The following ST3GAL4 variants were observed in gnomAD, a reference collection of about 807,000 sequenced individuals.
ST3GAL4 encodes the protein ST3 beta-galactoside alpha-2,3-sialyltransferase 4, also known as CMP-N-acetylneuraminate-beta-galactosamide-alpha-2,3-sialyltransferase 4.
In ST3GAL4, 24 loss-of-function variants were observed where a neutral mutation model predicts 42.6. The ratio of observed to expected loss-of-function variants is 0.56; its 90% CI spans 0.41 to 0.79. The LOEUF (loss-of-function observed/expected upper bound fraction) is 0.79. Among genes scored for constraint, ST3GAL4 ranks in the 30% least tolerant of loss-of-function variants. The pLI, the probability that ST3GAL4 is intolerant of heterozygous loss-of-function variation, is 0.00. For synonymous variants in ST3GAL4, 135 were observed against 163.2 expected (o/e 0.83, Z 1.32); for missense variants, 311 against 430.8 (o/e 0.72, Z 2.46).
intron 1 of ST3GAL4, chr11:126,356,215 A>T (rs1439751128): frequency 6.6e-6 from 1 of 152,304 alleles, no homozygotes; most frequent in African/African-American, 2.4e-5. Flanking sequence ...CAGGTCCAGC[A>T]CTTGGGAGCT....
chr11:126,368,295 A>T (rs78532575), intron 1 of ST3GAL4, among the ~76,000 whole-genome samples: 1,544 of 152,208 alleles, frequency 0.01, 24 homozygotes, highest in African/African-American at 0.033. Context: ...ATCAGGAGTC[A>T]GTGACCAGCC....
Position 126,363,618 on chromosome 11 carries a change from G to T in ST3GAL4, c.-61+7776G>T, listed in dbSNP as rs1408610781. ...TTTAGCTCAGCTCCTGAGCCCTCAT[G>T]CAACTCTTTGGACATCTTCCTGCAA... is the stretch of plus-strand genomic sequence containing the variant. On this transcript the variant is annotated intron_variant, in intron 1 of 10. Transcript: ENST00000444328. The surrounding 1 kb of genome is among the most constrained non-coding windows in gnomAD (Gnocchi z 4.6). 6.6e-6 allele frequency among the ~76,000 whole-genome samples: 1 copy of T among 152,204 alleles called. No individual in the cohort carries two copies. Among genetic ancestry groups the T allele is most frequent in the Non-Finnish European group, 1.5e-5 (1 of 68,042 alleles).
chr11:126,372,857 G>C (rs1343155969), intron 1 of ST3GAL4, among the ~76,000 whole-genome samples: 2 of 152,104 alleles, frequency 1.3e-5, no homozygotes, highest in Admixed American at 1.3e-4. Flanking sequence ...GTTGCTTCCC[G>C]ATTAGCTATT....
chr11:126,406,237 C>T lies in ST3GAL4; in HGVS notation c.16+66C>T. 6.4e-7 allele frequency: 1 copy of T among 1,551,286 alleles called. No homozygotes were observed. The highest frequency in any genetic ancestry group is 8.7e-7 in the Non-Finnish European group (1 of 1,147,608). On this transcript the variant is annotated intron_variant, in intron 2 of 10. Coordinates refer to ENST00000444328, the MANE Select transcript of ST3GAL4 (RefSeq NM_001254757.2). This position sits in a 1 kb window ranked among gnomAD's most constrained non-coding sequence, Gnocchi z 5.4. ...CCTCAGAAGCCGTCTTCAGCAGGATCCTGGGACCTCTGGGGGCTGTGGAGG... is the reference window on the plus strand; with the variant it reads ...CCTCAGAAGCCGTCTTCAGCAGGATTCTGGGACCTCTGGGGGCTGTGGAGG...
At chr11:126,375,567 C>T (rs965099722) in intron 1 of ST3GAL4, among the ~76,000 whole-genome samples, 1 of 152,170 alleles carries the variant, frequency 6.6e-6, no homozygotes, top group African/African-American at 2.4e-5. Flanking sequence ...GACCCCTTTC[C>T]CACCTTAGTT....
Position 126,366,327 on chromosome 11 carries a change from T to C in ST3GAL4, c.-61+10485T>C, listed in dbSNP as rs913009120. 6.6e-6 allele frequency among the ~76,000 whole-genome samples: 1 copy of C among 152,004 alleles called. No individual in the cohort carries two copies. Among genetic ancestry groups the C allele is most frequent in the Admixed American group, 6.5e-5 (1 of 15,270 alleles). ...CTGGCTGGGGGAGCCCCTCAAGCCC[T>C]GGAAGCTGTATGTGGGCATGGGGTG... On this transcript the variant is annotated intron_variant, in intron 1 of 10. Coordinates refer to ENST00000444328, the MANE Select transcript of ST3GAL4 (RefSeq NM_001254757.2). This position sits in a 1 kb window ranked among gnomAD's most constrained non-coding sequence, Gnocchi z 4.2.
Position 126,407,039 on chromosome 11 carries a change from T to C in ST3GAL4, c.182+16T>C. On this transcript the variant is annotated intron_variant, in intron 4 of 10. Coordinates refer to ENST00000444328, the MANE Select transcript of ST3GAL4 (RefSeq NM_001254757.2). The stretch of plus-strand genomic sequence containing the variant: ...TCTTTGGCAAGTAAGTACTTAAGGA[T>C]GAGGAGGGTAGAGCAGGGCATGGAG... The C allele has an allele frequency of 6.2e-7, 1 of 1,611,436 alleles. No homozygotes were observed. The highest frequency in any genetic ancestry group is 8.5e-7 in the Non-Finnish European group (1 of 1,177,872).
intron 4 of ST3GAL4, 62 bp downstream of exon 4, chr11:126,407,085 C>T: frequency 6.5e-7 from 1 of 1,548,076 alleles, no homozygotes; most frequent in Non-Finnish European, 8.9e-7. Context: ...TTGAGGGTTT[C>T]ACAGTGTGGG....
chr11:126,401,102 A>G (rs185695293), intron 1 of ST3GAL4, among the ~76,000 whole-genome samples: 39 of 152,290 alleles, frequency 2.6e-4, no homozygotes, highest in African/African-American at 8.7e-4. Context: ...ATCCAGCTAG[A>G]AAATTAGAAA....
At position 126,395,737 on chromosome 11, in the gene ST3GAL4, T is replaced by C. The variant is rs1351824541; in HGVS notation, c.-60-10359T>C. On this transcript the variant is annotated intron_variant, in intron 1 of 10. Transcript: ENST00000444328. ...CTTTCTTGCCTGCTGCCATGTAAGA[T>C]ATACTTTTTTTCTTCTGCCATGATT... 3.3e-5 allele frequency among the ~76,000 whole-genome samples: 5 copies of C among 152,316 alleles called. No homozygotes were observed. The East Asian group carries it at 7.7e-4, about 24-fold the overall frequency.
intron 1 of ST3GAL4, among the ~76,000 whole-genome samples, chr11:126,368,687 G>A (rs1182388627): frequency 6.6e-6 from 1 of 152,216 alleles, no homozygotes; most frequent in Non-Finnish European, 1.5e-5. Flanking sequence ...CTGCTCATGA[G>A]AAGGGTATCC....
In ST3GAL4 at chr11:126,397,593, G is replaced by C. The variant is rs1189558493; in HGVS notation, c.-60-8503G>C. ...GTGGGATGGTCCCAGCGAGCGGGATGTGGAGGGTTAGGATGTTATCTTAGT... is the reference window on the plus strand; with the variant it reads ...GTGGGATGGTCCCAGCGAGCGGGATCTGGAGGGTTAGGATGTTATCTTAGT... On this transcript the variant is annotated intron_variant, in intron 1 of 10. Transcript: ENST00000444328. The surrounding 1 kb of genome is among the most constrained non-coding windows in gnomAD (Gnocchi z 5.0). Among the ~76,000 whole-genome samples, 1 of 152,232 alleles carries C rather than the reference G, an allele frequency of 6.6e-6. No individual in the cohort carries two copies. Among genetic ancestry groups the C allele is most frequent in the East Asian group, 1.9e-4 (1 of 5,202 alleles).
At chr11:126,402,450 T>TG (rs1555090233) in intron 1 of ST3GAL4, among the ~76,000 whole-genome samples, 1 of 107,928 alleles carries the variant, frequency 9.3e-6, no homozygotes, top group Non-Finnish European at 1.8e-5. Context: ...CAAGACTGTC[T>TG]GAAAAAAAAA....
rs1416851596 is a variant in ST3GAL4 at position 126,396,056 on chromosome 11, G to A, written c.-60-10040G>A. Among the ~76,000 whole-genome samples, 6 of 151,146 alleles carry A rather than the reference G, an allele frequency of 4.0e-5. No individual in the cohort carries two copies. Among genetic ancestry groups the A allele is most frequent in the African/African-American group, 7.4e-5 (3 of 40,598 alleles). ...TCTGTTCTTGGCACTTGCAATTAGC[G>A]GACCGTCTGTATCCGAGTGTTGATC... On this transcript the variant is annotated intron_variant, in intron 1 of 10. Transcript: ENST00000444328. This position sits in a 1 kb window ranked among gnomAD's most constrained non-coding sequence, Gnocchi z 5.8.
In ST3GAL4 at chr11:126,398,923, G is replaced by C. The variant is rs1214836477; in HGVS notation, c.-60-7173G>C. Among the ~76,000 whole-genome samples the C allele has an allele frequency of 1.3e-5, 2 of 152,198 alleles. No homozygotes were observed. Among genetic ancestry groups the C allele is most frequent in the Admixed American group, 1.3e-4 (2 of 15,278 alleles). The stretch of plus-strand genomic sequence containing the variant: ...GACTTGAGGTGGCCCTGGACAGTGA[G>C]CCACAGGTCCTGAGGGCTCCCAAGA... On this transcript the variant is annotated intron_variant, in intron 1 of 10. Transcript: ENST00000444328. The surrounding 1 kb of genome is among the most constrained non-coding windows in gnomAD (Gnocchi z 4.7).
At chr11:126,385,404 G>C (rs1018957576) in intron 1 of ST3GAL4, among the ~76,000 whole-genome samples, 1 of 151,832 alleles carries the variant, frequency 6.6e-6, no homozygotes, top group Non-Finnish European at 1.5e-5. Context: ...CTCCCACCTC[G>C]GCCTCCTAAA....
intron 1 of ST3GAL4, among the ~76,000 whole-genome samples, chr11:126,368,809 T>C (rs1217511167): frequency 6.6e-6 from 1 of 152,242 alleles, no homozygotes; most frequent in Non-Finnish European, 1.5e-5. Context: ...CTCAGATCTT[T>C]GCACCCCACT....
chr11:126,400,853 G>A lies in ST3GAL4; in HGVS notation c.-60-5243G>A, dbSNP rs2135519659. Among the ~76,000 whole-genome samples the A allele has an allele frequency of 6.6e-6, 1 of 152,256 alleles. No individual in the cohort carries two copies. The highest frequency in any genetic ancestry group is 1.9e-4 in the East Asian group (1 of 5,172). ...GTCTAGACAATGTGACCTTCACACT[G>A]GGGCTGAGTTTTGTAAAATCCGACA... On this transcript the variant is annotated intron_variant, in intron 1 of 10. Transcript: ENST00000444328. This position sits in a 1 kb window ranked among gnomAD's most constrained non-coding sequence, Gnocchi z 4.6.
rs1258279423 is a variant in ST3GAL4 at position 126,384,852 on chromosome 11, G to A, written c.-60-21244G>A. ...GTCACATATGGGCCAGGAGAGGTGA[G>A]TGTGATTGTGGTAGTGGTGGGGGCA... On this transcript the variant is annotated intron_variant, in intron 1 of 10. Coordinates refer to ENST00000444328, the MANE Select transcript of ST3GAL4 (RefSeq NM_001254757.2). The surrounding 1 kb of genome is among the most constrained non-coding windows in gnomAD (Gnocchi z 5.5). 1 of 985,260 alleles carries A rather than the reference G, an allele frequency of 1.0e-6. No individual in the cohort carries two copies. Among genetic ancestry groups the A allele is most frequent in the East Asian group, 1.1e-4 (1 of 8,800 alleles). The allele number at this position is 985,260 out of a possible 1,614,324, so 61.0% of individuals were successfully genotyped here.
Sources: allele counts gnomAD v4.1 joint callset (sites outside exome capture counted in the v4.1 genomes callset), GRCh38; gene constraint gnomAD v4.1.1; non-coding constraint Gnocchi (gnomAD v3.1); transcripts MANE v1.5; gene names NCBI Gene and HGNC (gene_info 2026-07-23, HGNC 2026-07-21).